SRGAP3: variants seen among roughly 807,000 people sequenced by gnomAD.
The protein encoded by SRGAP3 is SLIT-ROBO Rho GTPase activating protein 3, also known as SLIT-ROBO Rho GTPase-activating protein 3.
SRGAP3 carries 39 observed loss-of-function variants against 121.1 expected under a neutral mutation model. The ratio of observed to expected loss-of-function variants is 0.32; its 90% CI spans 0.25 to 0.42. The LOEUF (loss-of-function observed/expected upper bound fraction) is 0.42, where lower values mean the gene tolerates loss of function less well. Among genes scored for constraint, SRGAP3 ranks in the 10% least tolerant of loss-of-function variants. The pLI, the probability that SRGAP3 is intolerant of heterozygous loss-of-function variation, is 1.00. For missense variants in SRGAP3, 1,213 were observed against 1,470.6 expected, an observed-to-expected ratio of 0.82 and a Z score of 2.86; for synonymous variants, 601 against 570.0, an observed-to-expected ratio of 1.05 and a Z score of -0.77.
chr3:9,055,535 A>C (rs913228942), intron 8 of SRGAP3, among the ~76,000 whole-genome samples: 1 of 152,186 alleles, frequency 6.6e-6, no homozygotes, highest in Non-Finnish European at 1.5e-5. Context: ...CTTGCTGAGA[A>C]TCCTATGCCC....
rs1023775075 is a variant in SRGAP3, at chr3:9,109,458, C to T, written c.261-4616G>A. The stretch of plus-strand genomic sequence containing the variant: ...CCAAGGCAAGGAGGAGGATGTTACC[C>T]GAAAGCAGCCAAAGACTCAAGTTGA... On this transcript the variant is annotated intron_variant, in intron 2 of 21. Transcript: ENST00000383836. The surrounding 1 kb of genome is among the most constrained non-coding windows in gnomAD (Gnocchi z 4.4). 2.0e-5 allele frequency among the ~76,000 whole-genome samples: 3 copies of T among 152,154 alleles called. No individual in the cohort carries two copies. Among genetic ancestry groups the T allele is most frequent in the South Asian group, 2.1e-4 (1 of 4,820 alleles).
chr3:9,097,147 C>T lies in SRGAP3; in HGVS notation c.423+7533G>A, dbSNP rs1305588102. 4.0e-5 allele frequency among the ~76,000 whole-genome samples: 6 copies of T among 151,346 alleles called. No individual in the cohort carries two copies. In the East Asian group the frequency reaches 9.8e-4, roughly 25 times the overall value. On this transcript the variant is annotated intron_variant, in intron 3 of 21. Transcript: ENST00000383836. ...CTTGGACTACAGGCATGAACCACCA[C>T]ACCTGGCTAATTTTTAATTTTTCTG...
intron 14 of SRGAP3, among the ~76,000 whole-genome samples, chr3:9,019,556 C>G (rs1257218968): frequency 6.6e-6 from 1 of 152,218 alleles, no homozygotes; most frequent in African/African-American, 2.4e-5. Context: ...TGGGCTGCTC[C>G]TCCTCCTGAA....
At chr3:9,252,364 C>A (rs1954037272), upstream of SRGAP3, among the ~76,000 whole-genome samples, 1 of 152,116 alleles carries the variant, frequency 6.6e-6, no homozygotes, top group Non-Finnish European at 1.5e-5. Flanking sequence ...AATTCTCCCA[C>A]CTCAGCCTCC....
chr3:9,144,870 T>C (rs1161542677), intron 1 of SRGAP3, among the ~76,000 whole-genome samples: 1 of 152,180 alleles, frequency 6.6e-6, no homozygotes, highest in Non-Finnish European at 1.5e-5. Context: ...AACTACCCTA[T>C]GGTTTTGCTA....
Position 9,359,988 on chromosome 3 carries a change from G to T in SRGAP3, n.214+2852C>A, listed in dbSNP as rs139292988. Among the ~76,000 whole-genome samples the T allele has an allele frequency of 2.1e-3, 325 of 152,288 alleles. 5 individuals carry two copies. Among genetic ancestry groups the T allele is most frequent in the Admixed American group, 6.9e-3 (106 of 15,302 alleles). On this transcript the variant is annotated intron_variant and non_coding_transcript_variant, in intron 1 of 3. Coordinates refer to the SRGAP3 transcript ENST00000490889. ...TCTGTTGCCCAGGCTGGAGTACAGTGGTGCAATCATAGTTCACTACAGACT... is the reference window on the plus strand; with the variant it reads ...TCTGTTGCCCAGGCTGGAGTACAGTTGTGCAATCATAGTTCACTACAGACT...
intron 3 of SRGAP3, among the ~76,000 whole-genome samples, chr3:9,088,046 T>C (rs1318743924): frequency 2.0e-5 from 3 of 152,216 alleles, no homozygotes; most frequent in East Asian, 3.8e-4. Context: ...TTCTCAACTA[T>C]GGTTCCAGAA....
chr3:9,100,446 ACCG>A (rs905784869), intron 3 of SRGAP3, among the ~76,000 whole-genome samples: 3 of 152,226 alleles, frequency 2.0e-5, no homozygotes, highest in African/African-American at 7.2e-5. Context: ...AGAAGGTGAC[ACCG>A]AGGAGGAAGA....
intron 1 of SRGAP3, among the ~76,000 whole-genome samples, chr3:9,176,478 G>A (rs1403537430): frequency 6.6e-6 from 1 of 152,166 alleles, no homozygotes; most frequent in East Asian, 1.9e-4. Flanking sequence ...AGATTTATTT[G>A]ACCACAGATT....
intron 1 of SRGAP3, among the ~76,000 whole-genome samples, chr3:9,223,920 A>AGGC (rs2125204951): frequency 6.6e-6 from 1 of 152,352 alleles, no homozygotes; most frequent in South Asian, 2.1e-4. Context: ...GATGGAAGAC[A>AGGC]GGCACTTCTC....
chr3:9,027,134 T>C, intron 12 of SRGAP3, 139 bp from the exon 13 acceptor site: 1 of 797,062 alleles, frequency 1.3e-6, no homozygotes, highest in Non-Finnish European at 2.2e-6. Context: ...GAACTGCTAA[T>C]CCTAAAGTCT....
intron 1 of SRGAP3, among the ~76,000 whole-genome samples, chr3:9,196,546 C>T (rs936444391): frequency 6.6e-6 from 1 of 152,046 alleles, no homozygotes; most frequent in Non-Finnish European, 1.5e-5. Context: ...TTAATTGAGA[C>T]AAAATATACA....
chr3:9,299,906 AAAAC>A (rs1488069874), intron 3 of SRGAP3, among the ~76,000 whole-genome samples: 2 of 151,940 alleles, frequency 1.3e-5, no homozygotes, highest in Non-Finnish European at 2.9e-5. Context: ...CTCTATCTCA[AAAAC>A]AAACAAACAC....
At chr3:9,117,263 G>C (rs1948840171) in intron 2 of SRGAP3, among the ~76,000 whole-genome samples, 1 of 152,206 alleles carries the variant, frequency 6.6e-6, no homozygotes, top group African/African-American at 2.4e-5. Flanking sequence ...GTGATTCTCT[G>C]TTTAGGAATA....
intron 1 of SRGAP3, among the ~76,000 whole-genome samples, chr3:9,336,611 G>A (rs1955698098): frequency 1.3e-5 from 2 of 152,014 alleles, no homozygotes; most frequent in East Asian, 1.9e-4. Flanking sequence ...GAAAAGGGAG[G>A]GCCACATTCT....
chr3:9,322,070 A>G (rs1955446720), intron 3 of SRGAP3, among the ~76,000 whole-genome samples: 1 of 151,808 alleles, frequency 6.6e-6, no homozygotes, highest in Admixed American at 6.5e-5. Flanking sequence ...CTTGGAGATA[A>G]GATACCAGGG....
At chr3:9,002,902 A>C (rs1264081971) in intron 18 of SRGAP3, among the ~76,000 whole-genome samples, 2 of 152,220 alleles carry the variant, frequency 1.3e-5, no homozygotes, top group African/African-American at 4.8e-5. Context: ...AAGAAAAAAA[A>C]ATGAATACAC....
chr3:9,224,064 G>T (rs1281530875), intron 1 of SRGAP3, among the ~76,000 whole-genome samples: 1 of 152,112 alleles, frequency 6.6e-6, no homozygotes, highest in Non-Finnish European at 1.5e-5. Context: ...AGAAGAGAAG[G>T]CCTGACCCTC....
intron 1 of SRGAP3, among the ~76,000 whole-genome samples, chr3:9,188,050 G>C (rs1216363889): frequency 6.6e-6 from 1 of 152,104 alleles, no homozygotes; most frequent in African/African-American, 2.4e-5. Context: ...GGGGGTGAGG[G>C]GAGAAAGAAT....
Sources: allele counts gnomAD v4.1 joint callset (sites outside exome capture counted in the v4.1 genomes callset), GRCh38; gene constraint gnomAD v4.1.1; non-coding constraint Gnocchi (gnomAD v3.1); transcripts MANE v1.5; gene names NCBI Gene and HGNC (gene_info 2026-07-23, HGNC 2026-07-21).